The following ZC3H12B variants were observed in gnomAD, a reference collection of about 807,000 sequenced individuals.
ZC3H12B encodes probable ribonuclease ZC3H12B.
Under a neutral mutation model 43.9 loss-of-function variants are expected in ZC3H12B, and 7 were observed. That is an observed-to-expected ratio of 0.16 (90% confidence interval 0.09 to 0.30). The LOEUF is 0.30. ZC3H12B is among the 10% of genes least tolerant of loss of function. ZC3H12B has a pLI of 1.00. For synonymous variants in ZC3H12B, 222 were observed against 241.7 expected (o/e 0.92, Z 0.76); for missense variants, 475 against 670.2 (o/e 0.71, Z 3.22).
the ZC3H12B span, among the ~76,000 whole-genome samples, chrX:65,166,071 G>C: frequency 1.8e-5 from 2 of 110,474 alleles, no homozygotes; most frequent in African/African-American, 3.3e-5. Flanking sequence ...TATACTTTAA[G>C]TTCTAGGGTA....
chrX:65,056,742 T>C, the ZC3H12B span, among the ~76,000 whole-genome samples: 1 of 111,495 alleles, frequency 9.0e-6, no homozygotes, highest in Admixed American at 9.5e-5. Context: ...TTTCTAGGTG[T>C]CTAAGGACTT....
the ZC3H12B span, among the ~76,000 whole-genome samples, chrX:65,160,850 G>A: frequency 9.0e-6 from 1 of 111,034 alleles, no homozygotes; most frequent in Non-Finnish European, 1.9e-5. Flanking sequence ...TAATTGTGAT[G>A]TTAAAGTGTC....
the ZC3H12B span, among the ~76,000 whole-genome samples, chrX:65,209,855 G>C: frequency 1.0e-5 from 1 of 99,068 alleles, no homozygotes; most frequent in Non-Finnish European, 2.0e-5. Context: ...TGGGAAAACT[G>C]GCTAGCCATA....
Position 65,473,938 on chromosome X carries a change from T to C in ZC3H12B, n.408-14708T>C, listed in dbSNP as rs1343141137. Among the ~76,000 whole-genome samples the C allele has an allele frequency of 2.7e-5, 3 of 112,267 alleles. No homozygotes were observed. In the East Asian group the frequency reaches 8.3e-4, roughly 31 times the overall value. On this transcript the variant is annotated intron_variant and non_coding_transcript_variant, in intron 3 of 5. Transcript: ENST00000617377. ...CCTGTGTACTGGAGAAAAATGTGTATTCTTCTGCTGTTGGGTAGAAAGTTC... is the reference window on the plus strand; with the variant it reads ...CCTGTGTACTGGAGAAAAATGTGTACTCTTCTGCTGTTGGGTAGAAAGTTC...
the ZC3H12B span, among the ~76,000 whole-genome samples, chrX:65,096,268 G>A: frequency 9.1e-6 from 1 of 109,535 alleles, no homozygotes; most frequent in African/African-American, 3.3e-5. Context: ...ATGCATGCTG[G>A]GCTTAATACT....
the ZC3H12B span, among the ~76,000 whole-genome samples, chrX:65,116,211 G>C: frequency 3.6e-5 from 4 of 111,643 alleles, no homozygotes; most frequent in African/African-American, 1.3e-4. Context: ...GAGCCATCTT[G>C]AGTTGATTTT....
At chrX:65,147,877 G>A in the ZC3H12B span, among the ~76,000 whole-genome samples, 3 of 109,766 alleles carry the variant, frequency 2.7e-5, no homozygotes. Context: ...TGAGCATGGG[G>A]CTATGGGGAC....
At chrX:65,099,823 T>A in the ZC3H12B span, among the ~76,000 whole-genome samples, 1 of 111,115 alleles carries the variant, frequency 9.0e-6, no homozygotes, top group Non-Finnish European at 1.9e-5. Flanking sequence ...GAAAGCCTCA[T>A]CTCCTCCAAA....
chrX:65,328,003 G>A, the ZC3H12B span: 1 of 250,954 alleles, frequency 4.0e-6, no homozygotes, highest in Non-Finnish European at 8.0e-6. Context: ...CAGCTTTACA[G>A]TGGTACTCAG....
the ZC3H12B span, among the ~76,000 whole-genome samples, chrX:65,226,578 C>A: frequency 1.3e-4 from 14 of 111,532 alleles, no homozygotes; most frequent in East Asian, 5.6e-4. Context: ...TTAAAAGACA[C>A]AGACTGGCAA....
At chrX:65,484,793 T>C (rs901382936), upstream of ZC3H12B, among the ~76,000 whole-genome samples, 1 of 112,635 alleles carries the variant, frequency 8.9e-6, no homozygotes, top group South Asian at 3.6e-4. Context: ...CTGTATAAGA[T>C]GTCATTTGGC....
At chrX:65,171,204 G>A in the ZC3H12B span, among the ~76,000 whole-genome samples, 1 of 111,249 alleles carries the variant, frequency 9.0e-6, no homozygotes, top group Non-Finnish European at 1.9e-5. Context: ...TGATGGTGAA[G>A]TACAGGTCGG....
chrX:65,067,545 G>T, the ZC3H12B span, among the ~76,000 whole-genome samples: 3 of 110,536 alleles, frequency 2.7e-5, no homozygotes, highest in Non-Finnish European at 3.8e-5. Context: ...CTCCTTCTGT[G>T]TTGGTCTCGC....
At chrX:65,473,075 A>T (rs1308250743) in intron 3 of ZC3H12B, among the ~76,000 whole-genome samples, 1 of 102,064 alleles carries the variant, frequency 9.8e-6, no homozygotes, top group East Asian at 3.0e-4. Flanking sequence ...GTGCAATGGC[A>T]CAATCTTGGC....
the ZC3H12B span, among the ~76,000 whole-genome samples, chrX:65,329,384 T>G: frequency 1.8e-5 from 2 of 110,160 alleles, no homozygotes; most frequent in Non-Finnish European, 3.8e-5. Flanking sequence ...TCACCCACTT[T>G]TTGATGGGGT....
the ZC3H12B span, among the ~76,000 whole-genome samples, chrX:65,078,950 C>T: frequency 9.3e-6 from 1 of 107,539 alleles, no homozygotes; most frequent in Non-Finnish European, 1.9e-5. Context: ...TTTTTGCTAT[C>T]AAATATTAGA....
At chrX:65,426,776 G>GT (rs2067088780) in intron 3 of ZC3H12B, among the ~76,000 whole-genome samples, 4 of 111,975 alleles carry the variant, frequency 3.6e-5, no homozygotes, top group Admixed American at 2.9e-4. Context: ...TAGTTGTATG[G>GT]TTTTAGGTGA....
At chrX:65,197,177 G>A in the ZC3H12B span, among the ~76,000 whole-genome samples, 1 of 111,964 alleles carries the variant, frequency 8.9e-6, no homozygotes, top group Non-Finnish European at 1.9e-5. Context: ...GTGCACTACA[G>A]CGTCCGCCCT....
chrX:65,358,361 C>A, the ZC3H12B span, among the ~76,000 whole-genome samples: 1 of 111,850 alleles, frequency 8.9e-6, no homozygotes, highest in Non-Finnish European at 1.9e-5. Context: ...ACTCTCCACC[C>A]AAAGTCAACA....
Sources: allele counts gnomAD v4.1 joint callset (sites outside exome capture counted in the v4.1 genomes callset), GRCh38; gene constraint gnomAD v4.1.1; transcripts MANE v1.5; gene names NCBI Gene and HGNC (gene_info 2026-07-23, HGNC 2026-07-21).